The following LRIG1 variants were observed in gnomAD, a reference collection of about 807,000 sequenced individuals.
The protein encoded by LRIG1 is leucine-rich repeats and immunoglobulin-like domains protein 1.
A neutral mutation model predicts 99.2 loss-of-function variants in LRIG1; 48 were observed. The ratio of observed to expected loss-of-function variants is 0.48; its 90% CI spans 0.38 to 0.62. The LOEUF is 0.62. Among genes scored for constraint, LRIG1 ranks in the 20% least tolerant of loss-of-function variants. The pLI is 0.00. For missense variants in LRIG1, 1,646 were observed against 1,434.4 expected (o/e 1.15, Z -2.38); for synonymous variants, 772 against 596.1 (o/e 1.29, Z -4.30).
intron 3 of LRIG1, among the ~76,000 whole-genome samples, chr3:66,430,193 A>AAC (rs1559795417): frequency 0.01 from 1,295 of 127,170 alleles, 10 homozygotes; most frequent in Non-Finnish European, 0.014. Context: ...ACAACAACAA[A>AAC]AAAAAAACAC....
intron 17 of LRIG1, 185 bp from the exon 18 acceptor site, chr3:66,381,046 A>G (rs1214218927): frequency 4.1e-5 from 26 of 626,540 alleles, no homozygotes; most frequent in Non-Finnish European, 3.3e-5. Context: ...CAAGTCACTC[A>G]TGAACTGTGG....
At chr3:66,383,948 T>TCAAACA in intron 14 of LRIG1, 43 bp downstream of exon 14, 1 of 1,520,814 alleles carries the variant, frequency 6.6e-7, no homozygotes, top group South Asian at 1.2e-5. Flanking sequence ...TCTCTCTCGC[T>TCAAACA]CACACACACA....
At chr3:66,489,299 GGATCACTT>G (rs1273330957) in intron 1 of LRIG1, among the ~76,000 whole-genome samples, 1 of 152,168 alleles carries the variant, frequency 6.6e-6, no homozygotes, top group African/African-American at 2.4e-5. Flanking sequence ...CAAGGCAGGA[GGATCACTT>G]GAGCCCAGGA....
At chr3:66,454,388 C>T (rs1418964250) in intron 2 of LRIG1, among the ~76,000 whole-genome samples, 1 of 152,188 alleles carries the variant, frequency 6.6e-6, no homozygotes, top group Non-Finnish European at 1.5e-5. Context: ...AGGGGAAAGG[C>T]ACTCAGGAAG....
chr3:66,428,476 CA>C lies in LRIG1; in HGVS notation c.366-11211del, dbSNP rs200410358. Among the ~76,000 whole-genome samples, 824 of 148,912 alleles carry C rather than the reference CA, an allele frequency of 5.5e-3. 3 individuals are homozygous for C. The highest frequency in any genetic ancestry group is 0.013 in the African/African-American group (499 of 39,890). On this transcript the variant is annotated intron_variant, in intron 3 of 18. Transcript: ENST00000273261. Reference sequence around the variant, plus strand: ...AAAATAAGTGAGGGCCTAATGATCACAAAAAAAAAAGAATAATTCTAAGTCT... The same window carrying C: ...AAAATAAGTGAGGGCCTAATGATCACAAAAAAAAAGAATAATTCTAAGTCT...
Position 66,380,817 on chromosome 3 carries a change from C to T in LRIG1, c.2815G>A (p.Asp939Asn). 1 of 1,614,204 alleles carries T rather than the reference C, an allele frequency of 6.2e-7. No homozygotes were observed. Residue 939 changes from aspartate to asparagine, a missense_variant, in exon 18 of 19, where the codon GAC becomes AAC. Asp to Asn is a conservative substitution (Grantham distance 23, BLOSUM62 1). Coordinates refer to ENST00000273261, the MANE Select transcript of LRIG1 (RefSeq NM_015541.3). ...AAGGCTTGTCCCCTGGAGTAACAGT[C>T]CACTTCGGTGTTGCAGTCACTGCAT... The part of the protein sequence containing the change: ...VVCSDCNTEV[D>N]CYSRGQAFHP...
At chr3:66,395,429 A>G (rs1701807604) in intron 11 of LRIG1, among the ~76,000 whole-genome samples, 1 of 152,164 alleles carries the variant, frequency 6.6e-6, no homozygotes, top group African/African-American at 2.4e-5. Context: ...CAGATGACCC[A>G]AGGCTAAATT....
chr3:66,474,344 GTTCT>G lies in LRIG1; in HGVS notation c.219-11839_219-11836del, dbSNP rs530597162. Among the ~76,000 whole-genome samples, 482 of 148,196 alleles carry G rather than the reference GTTCT, an allele frequency of 3.3e-3. 1 individual carries two copies. Among genetic ancestry groups the G allele is most frequent in the South Asian group, 0.014 (64 of 4,680 alleles). On this transcript the variant is annotated intron_variant, in intron 1 of 18. Transcript: ENST00000273261. ...CACCTCTTCCACAAGGTCCATCTAC[GTTCT>G]TTTTTTTTTTTTTTGAAATGGAGTT...
At chr3:66,478,326 G>A (rs1700770478) in intron 1 of LRIG1, among the ~76,000 whole-genome samples, 2 of 152,216 alleles carry the variant, frequency 1.3e-5, no homozygotes, top group East Asian at 1.9e-4. Flanking sequence ...CAGATGTGTA[G>A]GACAGCCAAC....
In LRIG1 at chr3:66,422,472, G is replaced by A. The variant is rs555873014; in HGVS notation, c.366-5206C>T. Among the ~76,000 whole-genome samples the A allele has an allele frequency of 5.9e-5, 9 of 152,312 alleles. No homozygotes were observed. In the East Asian group the frequency reaches 1.7e-3, roughly 29 times the overall value. On this transcript the variant is annotated intron_variant, in intron 3 of 18. Transcript: ENST00000273261. ...CTAGGGCAGGGGCAAAATGCTGCCAGTCTCTTTGCTAAAGCATAACAAGAG... is the reference window on the plus strand; with the variant it reads ...CTAGGGCAGGGGCAAAATGCTGCCAATCTCTTTGCTAAAGCATAACAAGAG...
At chr3:66,434,718 G>T (rs1008335730) in intron 3 of LRIG1, among the ~76,000 whole-genome samples, 9 of 147,478 alleles carry the variant, frequency 6.1e-5, no homozygotes, top group African/African-American at 2.3e-4. Context: ...CTGCACTCCA[G>T]CCTGAGCAAC....
intron 2 of LRIG1, among the ~76,000 whole-genome samples, chr3:66,457,053 G>A (rs943551218): frequency 1.4e-4 from 22 of 152,078 alleles, no homozygotes; most frequent in Admixed American, 3.3e-4. Context: ...CTCTCCAGCC[G>A]GCCCATGATG....
At chr3:66,477,790 G>A (rs1700755854) in intron 1 of LRIG1, among the ~76,000 whole-genome samples, 3 of 152,108 alleles carry the variant, frequency 2.0e-5, no homozygotes, top group Admixed American at 2.0e-4. Context: ...ACCTATGGGG[G>A]AGGAAGAGGG....
intron 3 of LRIG1, among the ~76,000 whole-genome samples, chr3:66,432,008 T>C (rs1263823253): frequency 6.6e-6 from 1 of 152,236 alleles, no homozygotes; most frequent in African/African-American, 2.4e-5. Flanking sequence ...CTGTCAATTA[T>C]GTGACATTAA....
Position 66,386,241 on chromosome 3 carries a change from T to G in LRIG1, c.1529A>C (p.Lys510Thr), listed in dbSNP as rs1258369632. 6.2e-7 allele frequency: 1 copy of G among 1,613,996 alleles called. No homozygotes were observed. Among genetic ancestry groups the G allele is most frequent in the Non-Finnish European group, 8.5e-7 (1 of 1,180,016 alleles). The change falls in exon 13 of 19, where the codon AAG becomes ACG. Residue 510 changes from lysine to threonine, a missense_variant. Coordinates refer to ENST00000273261, the MANE Select transcript of LRIG1 (RefSeq NM_015541.3). ...QPETTMAMVG[K>T]DIRFTCSAAS... Reference sequence around the variant, plus strand: ...TGCTGAGCATGTAAACCGGATGTCCTTGCCCACCATAGCCATGGTGGTTTC... The same window carrying G: ...TGCTGAGCATGTAAACCGGATGTCCGTGCCCACCATAGCCATGGTGGTTTC...
chr3:66,424,939 T>C lies in LRIG1; in HGVS notation c.366-7673A>G, dbSNP rs367760542. The stretch of plus-strand genomic sequence containing the variant: ...CTAATATGAGTGTTCTGAGCACATT[T>C]AAGGTAGACTAGGCTAGGTTGTGGT... On this transcript the variant is annotated intron_variant, in intron 3 of 18. Transcript: ENST00000273261. Among the ~76,000 whole-genome samples the C allele has an allele frequency of 3.3e-5, 5 of 152,340 alleles. No individual in the cohort carries two copies. In the East Asian group the frequency reaches 9.6e-4, roughly 29 times the overall value.
chr3:66,414,834 G>A (rs1044218761), intron 5 of LRIG1, 86 bp downstream of exon 5: 11 of 1,282,302 alleles, frequency 8.6e-6, no homozygotes, highest in Non-Finnish European at 1.0e-5. Context: ...CAAGGAAAGG[G>A]TGGCGTTTGG....
intron 12 of LRIG1, among the ~76,000 whole-genome samples, chr3:66,391,067 A>G (rs1409371669): frequency 6.6e-6 from 1 of 152,200 alleles, no homozygotes; most frequent in African/African-American, 2.4e-5. Flanking sequence ...AACATGCCTA[A>G]CATCATTAAT....
chr3:66,438,145 T>C (rs1317195940), intron 3 of LRIG1, among the ~76,000 whole-genome samples: 1 of 152,148 alleles, frequency 6.6e-6, no homozygotes, highest in Non-Finnish European at 1.5e-5. Flanking sequence ...GGGGAACCCC[T>C]GTAGAGATGA....
Sources: allele counts gnomAD v4.1 joint callset (sites outside exome capture counted in the v4.1 genomes callset), GRCh38; gene constraint gnomAD v4.1.1; transcripts MANE v1.5; gene names NCBI Gene and HGNC (gene_info 2026-07-23, HGNC 2026-07-21).